TRPV3: variants seen among roughly 807,000 people sequenced by gnomAD.
TRPV3 encodes VRL-3.
In TRPV3, 88 loss-of-function variants were observed where a neutral mutation model predicts 87.1. The ratio of observed to expected loss-of-function variants is 1.01; its 90% CI spans 0.85 to 1.21. The LOEUF is 1.21. Among genes scored for constraint, TRPV3 ranks in the 50% most tolerant of loss-of-function variants. TRPV3 has a pLI of 0.00. For synonymous variants in TRPV3, 438 were observed against 423.3 expected (o/e 1.03, Z -0.43); for missense variants, 1,054 against 1,030.1 (o/e 1.02, Z -0.32).
At chr17:3,546,559 T>C in intron 2 of TRPV3, 7 of 435,496 alleles carry the variant, frequency 1.6e-5, no homozygotes, top group South Asian at 1.2e-4. Context: ...TCCTGTAGTG[T>C]CAATTAGCTG....
Position 3,512,936 on chromosome 17 carries a change from A to G in TRPV3, c.*981T>C, listed in dbSNP as rs1379790438. 1 of 152,098 alleles carries G rather than the reference A, an allele frequency of 6.6e-6. No homozygotes were observed. The highest frequency in any genetic ancestry group is 2.4e-5 in the African/African-American group (1 of 41,388). 9.4% of individuals were successfully genotyped at this position (152,098 alleles called of 1,614,324 possible). Reference sequence around the variant, plus strand: ...AGATGATATCGATCGAGCAGCTGCTATTTCTGCTTCAGCGAAAGCCACGAT... The same window carrying G: ...AGATGATATCGATCGAGCAGCTGCTGTTTCTGCTTCAGCGAAAGCCACGAT... On this transcript the variant is annotated 3_prime_UTR_variant, in exon 18 of 18. Transcript: ENST00000576742.
intron 6 of TRPV3, among the ~76,000 whole-genome samples, chr17:3,536,854 G>C (rs994308414): frequency 3.3e-5 from 5 of 152,196 alleles, no homozygotes; most frequent in Non-Finnish European, 5.9e-5. Flanking sequence ...CTTCCAGATG[G>C]AAGGGACCAG....
intron 7 of TRPV3, among the ~76,000 whole-genome samples, chr17:3,533,776 T>C (rs2074373047): frequency 6.6e-6 from 1 of 152,156 alleles, no homozygotes; most frequent in Non-Finnish European, 1.5e-5. Flanking sequence ...GGATTACAGA[T>C]GTGAGTCACT....
chr17:3,527,438 A>G (rs1278961495), intron 11 of TRPV3, among the ~76,000 whole-genome samples: 2 of 152,160 alleles, frequency 1.3e-5, no homozygotes, highest in Non-Finnish European at 2.9e-5. Context: ...TTTTCGGTCT[A>G]TCATAAAGTC....
intron 13 of TRPV3, among the ~76,000 whole-genome samples, chr17:3,523,106 T>C (rs1407373828): frequency 6.6e-6 from 1 of 152,182 alleles, no homozygotes; most frequent in Non-Finnish European, 1.5e-5. Context: ...TGTTGATATC[T>C]AGATCTAAAT....
In TRPV3 at chr17:3,518,972, C is replaced by T. The variant is rs1308318795; in HGVS notation, c.1811-122G>A. The stretch of plus-strand genomic sequence containing the variant: ...CTTCTCTCTGGCCATTAAATCCCAT[C>T]TCCAGTTTCAGGTCCTCTCAAAGCC... On this transcript the variant is annotated intron_variant, in intron 14 of 17. Coordinates refer to ENST00000576742, the MANE Select transcript of TRPV3 (RefSeq NM_145068.4). This position sits in a 1 kb window ranked among gnomAD's most constrained non-coding sequence, Gnocchi z 4.3. 1 of 1,143,224 alleles carries T rather than the reference C, an allele frequency of 8.7e-7. No individual in the cohort carries two copies. The highest frequency in any genetic ancestry group is 1.5e-5 in the African/African-American group (1 of 64,576). 70.8% of individuals were successfully genotyped at this position (1,143,224 alleles called of 1,614,324 possible).
At chr17:3,521,205 C>T (rs563476501) in intron 13 of TRPV3, among the ~76,000 whole-genome samples, 166 bp from the exon 14 acceptor site, 78 of 148,054 alleles carry the variant, frequency 5.3e-4, no homozygotes, top group African/African-American at 1.9e-3. Flanking sequence ...AGGCTCAACA[C>T]TGGATCCTGC....
intron 6 of TRPV3, among the ~76,000 whole-genome samples, chr17:3,538,207 G>T (rs1407624884): frequency 6.6e-6 from 1 of 151,830 alleles, no homozygotes; most frequent in Non-Finnish European, 1.5e-5. Flanking sequence ...AAAATAGAAA[G>T]GCATTGTGTT....
Position 3,530,024 on chromosome 17 carries a change from C to T in TRPV3, c.1242+3G>A. 1 of 1,610,470 alleles carries T rather than the reference C, an allele frequency of 6.2e-7. No homozygotes were observed. The highest frequency in any genetic ancestry group is 8.5e-7 in the Non-Finnish European group (1 of 1,177,812). On this transcript the variant is annotated splice_donor_region_variant and intron_variant, in intron 9 of 17. Transcript: ENST00000576742. The surrounding 1 kb of genome is among the most constrained non-coding windows in gnomAD (Gnocchi z 4.0). ...CCCTTCCCCGCCTGTGCAGGAGACCCACGTCGATGTTGGTGTTGTAGACAG... is the reference window on the plus strand; with the variant it reads ...CCCTTCCCCGCCTGTGCAGGAGACCTACGTCGATGTTGGTGTTGTAGACAG...
chr17:3,516,584 A>C lies in TRPV3; in HGVS notation c.2086-15T>G. The C allele has an allele frequency of 6.3e-7, 1 of 1,599,690 alleles. No homozygotes were observed. ...GTCCTGGCTCTCTGGGGACATAAGC[A>C]AGTCTAAGGAGTAGGCATCCACACT... On this transcript the variant is annotated splice_polypyrimidine_tract_variant and intron_variant, in intron 15 of 17. Coordinates refer to ENST00000576742, the MANE Select transcript of TRPV3 (RefSeq NM_145068.4).
In TRPV3 at chr17:3,535,639, C is replaced by T. The variant is rs1321676426; in HGVS notation, c.718G>A (p.Asp240Asn). 1.9e-6 allele frequency: 3 copies of T among 1,608,092 alleles called. No individual in the cohort carries two copies. Among genetic ancestry groups the T allele is most frequent in the Admixed American group, 1.7e-5 (1 of 59,466 alleles). The change falls in exon 7 of 18, where the codon GAC (aspartate) becomes AAC (asparagine). Residue 240 changes from aspartate (D) to asparagine (N), a missense_variant. Physicochemically the swap from Asp to Asn is conservative, Grantham distance 23 (BLOSUM62 1). Transcript: ENST00000576742. ...IAALLIAAGADVNAHAKGAFF... is the reference protein window; with the variant it reads ...IAALLIAAGANVNAHAKGAFF... ...GCCCCCTTGGCGTGCGCGTTGACGT[C>T]GGCGCCGGCGGCGATGAGCAGGGCT...
intron 6 of TRPV3, among the ~76,000 whole-genome samples, chr17:3,541,337 C>G (rs1173797124): frequency 6.6e-6 from 1 of 152,172 alleles, no homozygotes; most frequent in Non-Finnish European, 1.5e-5. Flanking sequence ...CACTGCACTC[C>G]AGCCTAGGCA....
intron 11 of TRPV3, chr17:3,527,558 C>G (rs1307651455): frequency 1.9e-5 from 4 of 209,146 alleles, no homozygotes; most frequent in Admixed American, 1.6e-4. Context: ...AGAAGGTGCT[C>G]AGATTATATG....
At chr17:3,532,591 TGA>T in intron 8 of TRPV3, 64 bp downstream of exon 8, 1 of 1,573,090 alleles carries the variant, frequency 6.4e-7, no homozygotes. Flanking sequence ...CCCCCGGGGC[TGA>T]GAGGGTGGCA....
At chr17:3,531,748 C>A (rs1242560540) in intron 8 of TRPV3, among the ~76,000 whole-genome samples, 1 of 152,196 alleles carries the variant, frequency 6.6e-6, no homozygotes, top group Non-Finnish European at 1.5e-5. Context: ...TAGGCAGGAG[C>A]TGCGGGGAGG....
chr17:3,546,095 A>G (rs2074523077), intron 2 of TRPV3, among the ~76,000 whole-genome samples: 1 of 152,042 alleles, frequency 6.6e-6, no homozygotes, highest in African/African-American at 2.4e-5. Context: ...AGGGGTGGGT[A>G]GTGGAAACAG....
intron 12 of TRPV3, among the ~76,000 whole-genome samples, chr17:3,525,635 T>TAG: frequency 6.6e-6 from 1 of 151,826 alleles, no homozygotes; most frequent in Non-Finnish European, 1.5e-5. Flanking sequence ...TTTTTTTTTT[T>TAG]TTGAGATGTA....
rs1055780859 is a variant in TRPV3 at position 3,518,592 on chromosome 17, C to T, written c.2069G>A (p.Arg690His). The T allele has an allele frequency of 5.1e-6, 8 of 1,557,162 alleles. No homozygotes were observed. The African/African-American group carries it at 9.5e-5, about 18-fold the overall frequency. The change falls in exon 15 of 18, where the codon CGC (arginine) becomes CAC (histidine). Residue 690 changes from arginine (R) to histidine (H), a missense_variant. Transcript: ENST00000576742. The surrounding 1 kb of genome is among the most constrained non-coding windows in gnomAD (Gnocchi z 4.3). ...TVENVSKESE[R>H]IWRLQRARTI... ...TAGGCTCACCTGCAGGCGCCAGATG[C>T]GTTCGCTCTCCTTGGAGACGTTCTC...
chr17:3,529,144 G>A, intron 9 of TRPV3, 149 bp from the exon 10 acceptor site: 2 of 940,754 alleles, frequency 2.1e-6, no homozygotes, highest in East Asian at 4.9e-5. Flanking sequence ...TGCTGGGAGG[G>A]TGATTTCCGG....
Sources: gnomAD v4.1 joint callset for allele counts (sites outside exome capture counted in the v4.1 genomes callset) on GRCh38, gnomAD v4.1.1 for gene constraint, Gnocchi (gnomAD v3.1) non-coding constraint, MANE v1.5 for transcripts, NCBI Gene and HGNC (gene_info 2026-07-23, HGNC 2026-07-21) for gene names.